Variants in SIPA1L3 observed in about 807,000 individuals in gnomAD.
The protein encoded by SIPA1L3 is signal-induced proliferation-associated 1-like protein 3.
Under a neutral mutation model 150.1 loss-of-function variants are expected in SIPA1L3, and 59 were observed. The ratio of observed to expected loss-of-function variants is 0.39; its 90% CI spans 0.32 to 0.49. The LOEUF (loss-of-function observed/expected upper bound fraction) is 0.49, where lower values mean the gene tolerates loss of function less well. Ranked by LOEUF, SIPA1L3 falls within the 20% of genes least tolerant of loss-of-function variation. SIPA1L3 has a pLI of 0.86. For synonymous variants in SIPA1L3, 1,070 were observed against 1,077.6 expected, an observed-to-expected ratio of 0.99 and a Z score of 0.14; for missense variants, 2,211 against 2,489.5, an observed-to-expected ratio of 0.89 and a Z score of 2.38.
At chr19:38,029,797 C>G (rs1968603407) in intron 2 of SIPA1L3, among the ~76,000 whole-genome samples, 1 of 151,034 alleles carries the variant, frequency 6.6e-6, no homozygotes, top group South Asian at 2.1e-4. Context: ...TGGGGTTTCT[C>G]CATGTTGGTC....
At chr19:38,152,722 C>T in intron 12 of SIPA1L3, 118 bp from the exon 13 acceptor site, 4 of 1,102,700 alleles carry the variant, frequency 3.6e-6, no homozygotes, top group Non-Finnish European at 5.1e-6. Flanking sequence ...CTCTCATCCA[C>T]AGCGGAGCCT....
At chr19:37,916,716 T>C (rs1481779917) in intron 1 of SIPA1L3, among the ~76,000 whole-genome samples, 2 of 151,960 alleles carry the variant, frequency 1.3e-5, no homozygotes, top group Admixed American at 1.3e-4. Context: ...TCCCAGCACT[T>C]TGGGAGGCTG....
At chr19:37,962,758 T>A (rs576345030) in intron 1 of SIPA1L3, among the ~76,000 whole-genome samples, 1 of 152,050 alleles carries the variant, frequency 6.6e-6, no homozygotes, top group Non-Finnish European at 1.5e-5. Flanking sequence ...TTCCAGAGTG[T>A]TGGGATTACA....
At chr19:38,037,283 A>G (rs909784908) in intron 2 of SIPA1L3, among the ~76,000 whole-genome samples, 2 of 152,226 alleles carry the variant, frequency 1.3e-5, no homozygotes, top group African/African-American at 2.4e-5. Context: ...AACGTCTGTC[A>G]TAAGGACTGA....
intron 10 of SIPA1L3, among the ~76,000 whole-genome samples, chr19:38,133,133 A>G (rs929561266): frequency 6.6e-6 from 1 of 152,208 alleles, no homozygotes; most frequent in Non-Finnish European, 1.5e-5. Flanking sequence ...TTTCGGCCGC[A>G]GCACTCCTAG....
chr19:38,030,534 TTAAA>T (rs776478869), intron 2 of SIPA1L3, among the ~76,000 whole-genome samples: 2 of 150,254 alleles, frequency 1.3e-5, no homozygotes, highest in Non-Finnish European at 3.0e-5. Context: ...ACCTAAAAAT[TTAAA>T]TAAATAAATA....
At chr19:38,121,097 T>G (rs1219428101) in intron 9 of SIPA1L3, among the ~76,000 whole-genome samples, 1 of 152,046 alleles carries the variant, frequency 6.6e-6, no homozygotes, top group Non-Finnish European at 1.5e-5. Flanking sequence ...ATCCCAACAC[T>G]TTGGGAGGCC....
rs1371481045 is a variant in SIPA1L3 at position 38,136,165 on chromosome 19, AAG to A, written c.3144-5014_3144-5013del. On this transcript the variant is annotated intron_variant, in intron 10 of 21. Coordinates refer to ENST00000222345, the MANE Select transcript of SIPA1L3 (RefSeq NM_015073.3). ...CACGCCACTGCATTCCAGCCTGGGC[AAG>A]AGAGTGAGACTGTCTCAAAAAAAAA... Among the ~76,000 whole-genome samples, 20 of 104,846 alleles carry A rather than the reference AAG, an allele frequency of 1.9e-4. 1 individual carries two copies. The highest frequency in any genetic ancestry group is 3.3e-4 in the Non-Finnish European group (18 of 55,356). The allele number at this position is 104,846 out of a possible 152,430, so 68.8% of individuals were successfully genotyped here.
intron 16 of SIPA1L3, among the ~76,000 whole-genome samples, chr19:38,184,174 C>T (rs766202743): frequency 3.7e-4 from 56 of 151,942 alleles, no homozygotes; most frequent in Non-Finnish European, 7.5e-4. Context: ...CTGTCCTCCC[C>T]CCACCCCACC....
At chr19:38,099,377 G>A (rs745721718) in intron 4 of SIPA1L3, among the ~76,000 whole-genome samples, 33 of 150,294 alleles carry the variant, frequency 2.2e-4, no homozygotes, top group South Asian at 1.0e-3. Flanking sequence ...TGAAACCAGT[G>A]CCACAGTTCA....
chr19:37,915,835 G>A (rs893881245), intron 1 of SIPA1L3, among the ~76,000 whole-genome samples: 2 of 152,118 alleles, frequency 1.3e-5, no homozygotes, highest in Non-Finnish European at 1.5e-5. Flanking sequence ...TAGCGTGGGC[G>A]TATTTTGAAT....
intron 13 of SIPA1L3, among the ~76,000 whole-genome samples, chr19:38,156,884 C>T (rs1971961764): frequency 6.6e-6 from 1 of 151,982 alleles, no homozygotes; most frequent in South Asian, 2.1e-4. Flanking sequence ...GAAAAAAGGC[C>T]AGGGACAGTG....
chr19:38,027,069 A>C (rs1255368309), intron 1 of SIPA1L3, among the ~76,000 whole-genome samples: 1 of 152,182 alleles, frequency 6.6e-6, no homozygotes, highest in Admixed American at 6.5e-5. Flanking sequence ...AGGTGGGCGG[A>C]TCGCTTGAGG....
intron 15 of SIPA1L3, 149 bp from the exon 16 acceptor site, chr19:38,182,370 C>T (rs2146023861): frequency 3.0e-6 from 2 of 659,488 alleles, no homozygotes; most frequent in South Asian, 3.8e-5. Flanking sequence ...GGCGTCTATA[C>T]TGTTGGAATT....
At chr19:37,930,105 A>C (rs1001686421) in intron 1 of SIPA1L3, among the ~76,000 whole-genome samples, 1 of 150,040 alleles carries the variant, frequency 6.7e-6, no homozygotes, top group Admixed American at 6.7e-5. Context: ...GCTCACTGCA[A>C]CCTCTGACTC....
At chr19:38,040,771 C>CT (rs982310908) in intron 2 of SIPA1L3, among the ~76,000 whole-genome samples, 1 of 152,080 alleles carries the variant, frequency 6.6e-6, no homozygotes, top group Non-Finnish European at 1.5e-5. Context: ...CCCTATCTTG[C>CT]TTTTTTTGAG....
chr19:38,061,402 C>T (rs142948778), intron 2 of SIPA1L3, among the ~76,000 whole-genome samples: 1 of 151,864 alleles, frequency 6.6e-6, no homozygotes, highest in Non-Finnish European at 1.5e-5. Context: ...ATAATCTTGG[C>T]CAATTCCTTA....
At chr19:38,099,566 A>C (rs1307358265) in intron 4 of SIPA1L3, among the ~76,000 whole-genome samples, 1 of 152,110 alleles carries the variant, frequency 6.6e-6, no homozygotes, top group East Asian at 1.9e-4. Context: ...TTCCAGTGTC[A>C]GCTCCACAAG....
At chr19:38,085,054 G>A (rs1005044046) in intron 3 of SIPA1L3, among the ~76,000 whole-genome samples, 1 of 152,114 alleles carries the variant, frequency 6.6e-6, no homozygotes, top group Admixed American at 6.6e-5. Context: ...GACAGCCCTC[G>A]GTTTGGGGTA....
Sources: gnomAD v4.1 joint callset for allele counts (sites outside exome capture counted in the v4.1 genomes callset) on GRCh38, gnomAD v4.1.1 for gene constraint, MANE v1.5 for transcripts, NCBI Gene and HGNC (gene_info 2026-07-23, HGNC 2026-07-21) for gene names.